The following COL20A1 variants were observed in gnomAD, a reference collection of about 807,000 sequenced individuals.
COL20A1 encodes collagen alpha-1(XX) chain.
COL20A1 carries 164 observed loss-of-function variants against 152.9 expected under a neutral mutation model. The ratio of observed to expected loss-of-function variants is 1.07; its 90% CI spans 0.94 to 1.22. The LOEUF is 1.22. COL20A1 is among the 50% of genes most tolerant of loss of function. The pLI, the probability that COL20A1 is intolerant of heterozygous loss-of-function variation, is 0.00. For synonymous variants in COL20A1, 864 were observed against 756.0 expected (o/e 1.14, Z -2.34); for missense variants, 1,873 against 1,744.8 (o/e 1.07, Z -1.31).
At chr20:63,322,170 C>T (rs1168110147) in intron 27 of COL20A1, 59 bp downstream of exon 27, 4 of 1,321,060 alleles carry the variant, frequency 3.0e-6, no homozygotes, top group Middle Eastern at 3.6e-4. Flanking sequence ...CAGAAGAGAA[C>T]ACCCCTCCCA....
chr20:63,313,757 A>G lies in COL20A1; in HGVS notation c.2224A>G (p.Ser742Gly), dbSNP rs2068047356. The G allele has an allele frequency of 6.3e-7, 1 of 1,598,238 alleles. No individual in the cohort carries two copies. Reference protein sequence around the residue: ...LRYTPSTVSRSPPSNLALASE... With the variant: ...LRYTPSTVSRGPPSNLALASE... ...CTCTCGGCCAGCCACGGTGAGCAGGAGCCCACCCTCCAACCTGGCCCTGGC... is the reference window on the plus strand; with the variant it reads ...CTCTCGGCCAGCCACGGTGAGCAGGGGCCCACCCTCCAACCTGGCCCTGGC... The change falls in exon 18 of 36, where the codon AGC becomes GGC. Residue 742 changes from serine (S) to glycine (G), a missense_variant. Transcript: ENST00000358894. This position sits in a 1 kb window ranked among gnomAD's most constrained non-coding sequence, Gnocchi z 5.9.
chr20:63,312,620 A>G, intron 15 of COL20A1, 71 bp downstream of exon 15: 1 of 1,496,698 alleles, frequency 6.7e-7, no homozygotes, highest in South Asian at 1.3e-5. Context: ...TAGACAGTTC[A>G]CATCAAGTGT....
At chr20:63,300,280 T>C (rs747177431) in intron 3 of COL20A1, among the ~76,000 whole-genome samples, 9 of 152,124 alleles carry the variant, frequency 5.9e-5, no homozygotes, top group Admixed American at 2.0e-4. Context: ...TTGTGTAATG[T>C]TGGTGGTATT....
intron 11 of COL20A1, 40 bp downstream of exon 11, chr20:63,310,550 G>T: frequency 6.5e-7 from 1 of 1,546,088 alleles, no homozygotes; most frequent in East Asian, 2.4e-5. Flanking sequence ...CTGGGTGGGA[G>T]GCCCCACTCA....
chr20:63,316,452 C>A, intron 20 of COL20A1, 101 bp from the exon 21 acceptor site: 1 of 863,434 alleles, frequency 1.2e-6, no homozygotes, highest in South Asian at 1.9e-5. Flanking sequence ...CACCGCACTG[C>A]AGCCCCTGGG....
Position 63,314,187 on chromosome 20 carries a change from C to T in COL20A1, c.2474C>T (p.Ala825Val). 6.4e-7 allele frequency: 1 copy of T among 1,565,236 alleles called. No homozygotes were observed. The highest frequency in any genetic ancestry group is 8.7e-7 in the Non-Finnish European group (1 of 1,155,312). Reference sequence around the variant, plus strand: ...GCAGGCAGGAGTGAGGCTGTGTCTGCCACGGGCCAGACAGGTGAGTGGGCA... The same window carrying T: ...GCAGGCAGGAGTGAGGCTGTGTCTGTCACGGGCCAGACAGGTGAGTGGGCA... ...YAAGRSEAVSATGQTACPALR... is the reference protein window; with the variant it reads ...YAAGRSEAVSVTGQTACPALR... The change falls in exon 19 of 36, where the codon GCC becomes GTC. Residue 825 changes from alanine to valine, a missense_variant. Coordinates refer to ENST00000358894, the MANE Select transcript of COL20A1 (RefSeq NM_020882.4).
At position 63,308,667 on chromosome 20, in the gene COL20A1, C is replaced by T. The variant is rs541042494; in HGVS notation, c.901C>T (p.Arg301Cys). The T allele has an allele frequency of 2.2e-5, 35 of 1,607,180 alleles. No individual in the cohort carries two copies. The East Asian group carries it at 4.0e-4, about 19-fold the overall frequency. Residue 301 changes from arginine (R) to cysteine (C), a missense_variant, in exon 8 of 36, where the codon CGT becomes TGT. Arg to Cys is a radical substitution (Grantham distance 180). Transcript: ENST00000358894. ...CCAGGACGATGTGCACACTGCTGCC[C>T]GTGTCCTCAAGGACCTGGGCGTGAA... ...KSQDDVHTAA[R>C]VLKDLGVNVF... is the part of the protein sequence containing the mutation.
rs2067972028 is a variant in COL20A1, at chr20:63,309,333, G to T, written c.941G>T (p.Gly314Val). 6.7e-7 allele frequency: 1 copy of T among 1,485,284 alleles called. No individual in the cohort carries two copies. The highest frequency in any genetic ancestry group is 1.4e-5 in the South Asian group (1 of 72,940). 92.0% of individuals were successfully genotyped at this position (1,485,284 alleles called of 1,614,324 possible). A position where few individuals can be genotyped will look rare whatever the true frequency, so the allele number is the denominator to read the frequency against. ...ACCCCACCTCCCTCCTCACGAGCAG[G>T]TGTGAAGAACGCCGATGAGGCTGAG... is the stretch of plus-strand genomic sequence containing the variant. Reference protein sequence around the residue: ...KDLGVNVFAVGVKNADEAELR... With the variant: ...KDLGVNVFAVVVKNADEAELR... Residue 314 changes from glycine to valine, a missense_variant and splice_region_variant, in exon 9 of 36, where the codon GGT (glycine) becomes GTT (valine). Coordinates refer to ENST00000358894, the MANE Select transcript of COL20A1 (RefSeq NM_020882.4).
Position 63,311,241 on chromosome 20 carries a change from T to G in COL20A1, c.1394-153T>G, listed in dbSNP as rs1019653442. ...TCCCCAGAGCTGGAGCCACAAACCT[T>G]GGCCCAAGGTGAAGCCTGGGAAGTG... is the stretch of plus-strand genomic sequence containing the variant. On this transcript the variant is annotated intron_variant, in intron 11 of 35. Coordinates refer to ENST00000358894, the MANE Select transcript of COL20A1 (RefSeq NM_020882.4). The surrounding 1 kb of genome is among the most constrained non-coding windows in gnomAD (Gnocchi z 4.4). 4.6e-5 allele frequency among the ~76,000 whole-genome samples: 7 copies of G among 152,198 alleles called. No homozygotes were observed. Among genetic ancestry groups the G allele is most frequent in the Non-Finnish European group, 1.0e-4 (7 of 68,032 alleles).
chr20:63,312,898 C>T lies in COL20A1; in HGVS notation c.2040C>T (p.Ile680=). The T allele has an allele frequency of 1.3e-6, 2 of 1,557,992 alleles. No individual in the cohort carries two copies. The highest frequency in any genetic ancestry group is 2.7e-5 in the African/African-American group (2 of 73,584). ...AAPSGVLVYQ[I]TWTPLGEGKA... ...CGTCTGGCGTGCTTGTCTACCAGAT[C>T]ACGTGGACGCCCCTGGGAGAGGGGA... is the stretch of plus-strand genomic sequence containing the variant. Residue 680 remains isoleucine (I), a synonymous_variant, in exon 16 of 36, where the codon ATC becomes ATT. Transcript: ENST00000358894.
At chr20:63,317,848 C>T (rs2068104842) in intron 21 of COL20A1, among the ~76,000 whole-genome samples, 1 of 152,102 alleles carries the variant, frequency 6.6e-6, no homozygotes, top group African/African-American at 2.4e-5. Context: ...TCCATGGCCT[C>T]AGGTGGTGTA....
At chr20:63,312,714 C>T (rs2123405439) in intron 15 of COL20A1, 78 bp from the exon 16 acceptor site, 2 of 1,478,384 alleles carry the variant, frequency 1.4e-6, no homozygotes, top group Admixed American at 2.2e-5. Flanking sequence ...ATAGGGTGCT[C>T]CTGGGTGTGG....
intron 27 of COL20A1, chr20:63,324,448 C>T (rs2068213843): frequency 6.6e-6 from 1 of 152,184 alleles, no homozygotes; most frequent in African/African-American, 2.4e-5. Flanking sequence ...GTCCTGGAAG[C>T]GGAGACAGGT....
Position 63,306,000 on chromosome 20 carries a change from C to T in COL20A1, c.457C>T (p.Gln153Ter), listed in dbSNP as rs902805092. 3 of 1,612,660 alleles carry T rather than the reference C, an allele frequency of 1.9e-6. No homozygotes were observed. The African/African-American group carries it at 4.0e-5, about 22-fold the overall frequency. The stretch of plus-strand genomic sequence containing the variant: ...AGACCCTGAGCAGGCTTCTGAGCCC[C>T]AAGTTGCCTTCACACCAAGCCAGGA... ...SPDPEQASEP[Q>*]VAFTPSQDPR... is the part of the protein sequence containing the mutation. The change falls in exon 5 of 36, where the codon CAA (glutamine) becomes TAA (stop). Residue 153 changes from glutamine to a stop codon, truncating the protein, a stop_gained. Coordinates refer to ENST00000358894, the MANE Select transcript of COL20A1 (RefSeq NM_020882.4). LOFTEE classifies it high-confidence loss of function. This position sits in a 1 kb window ranked among gnomAD's most constrained non-coding sequence, Gnocchi z 4.9.
chr20:63,310,409 C>G lies in COL20A1; in HGVS notation c.1292C>G (p.Thr431Arg). Reference sequence around the variant, plus strand: ...GTGGTGGAGGGACCCGCCGCCTCCACGGAGCTGCACAACCTGGCCTCCCGC... The same window carrying G: ...GTGGTGGAGGGACCCGCCGCCTCCAGGGAGCTGCACAACCTGGCCTCCCGC... ...EVVVEGPAAS[T>R]ELHNLASRTE... Residue 431 changes from threonine (T) to arginine (R), a missense_variant, in exon 11 of 36, where the codon ACG (threonine) becomes AGG (arginine). Coordinates refer to ENST00000358894, the MANE Select transcript of COL20A1 (RefSeq NM_020882.4). 2 of 1,610,898 alleles carry G rather than the reference C, an allele frequency of 1.2e-6. No homozygotes were observed. The highest frequency in any genetic ancestry group is 1.7e-6 in the Non-Finnish European group (2 of 1,179,206).
chr20:63,316,745 G>A (rs1040780710), intron 21 of COL20A1, 54 bp downstream of exon 21: 13 of 1,282,286 alleles, frequency 1.0e-5, no homozygotes, highest in Non-Finnish European at 1.3e-5. Flanking sequence ...GGCCGCTGAA[G>A]ATTAGGAGGA....
At position 63,305,942 on chromosome 20, in the gene COL20A1, C is replaced by T. The variant is rs1381466613; in HGVS notation, c.399C>T (p.Ala133=). ...RSSQRPLGSG[A]PEPTPSHTGS... is the part of the protein sequence containing the mutation. ...GCCAGAGGCCCCTCGGCTCTGGAGC[C>T]CCGGAGCCCACCCCCTCCCACACGG... is the stretch of plus-strand genomic sequence containing the variant. Residue 133 remains alanine (A), a synonymous_variant, in exon 5 of 36, where the codon GCC becomes GCT. Transcript: ENST00000358894. This position sits in a 1 kb window ranked among gnomAD's most constrained non-coding sequence, Gnocchi z 4.9. 1.9e-6 allele frequency: 3 copies of T among 1,612,446 alleles called. No individual in the cohort carries two copies. The highest frequency in any genetic ancestry group is 1.7e-6 in the Non-Finnish European group (2 of 1,179,470).
At chr20:63,317,584 T>C (rs1167425759) in intron 21 of COL20A1, among the ~76,000 whole-genome samples, 5 of 151,978 alleles carry the variant, frequency 3.3e-5, no homozygotes, top group Non-Finnish European at 5.9e-5. Context: ...GGCTTAGGAA[T>C]GTCTCTCCCA....
rs2068091146 is a variant in COL20A1 at position 63,316,809 on chromosome 20, G to A, written c.2663+118G>A. On this transcript the variant is annotated intron_variant, in intron 21 of 35. Transcript: ENST00000358894. ...GACCTCCTGGAGGCTGTGGGACAGG[G>A]CAGCGCTGCTATGTCAGCAAACGGC... is the stretch of plus-strand genomic sequence containing the variant. The A allele has an allele frequency of 1.2e-5, 12 of 990,692 alleles. No individual in the cohort carries two copies. The South Asian group carries it at 2.4e-4, about 20-fold the overall frequency. The allele number at this position is 990,692 out of a possible 1,614,324, so 61.4% of individuals were successfully genotyped here.
Sources: gnomAD v4.1 joint callset for allele counts (sites outside exome capture counted in the v4.1 genomes callset) on GRCh38, gnomAD v4.1.1 for gene constraint, Gnocchi (gnomAD v3.1) non-coding constraint, MANE v1.5 for transcripts, NCBI Gene and HGNC (gene_info 2026-07-23, HGNC 2026-07-21) for gene names.